The following SPTB variants were observed in gnomAD, a reference collection of about 807,000 sequenced individuals.
SPTB encodes spectrin beta, erythrocytic.
SPTB carries 45 observed loss-of-function variants against 256.2 expected under a neutral mutation model. The ratio of observed to expected loss-of-function variants is 0.18; its 90% confidence interval spans 0.14 to 0.23. The LOEUF (loss-of-function observed/expected upper bound fraction) is 0.23. SPTB is among the 10% of genes least tolerant of loss of function. The pLI is 1.00. For synonymous variants in SPTB, 1,231 were observed against 1,243.1 expected (o/e 0.99, Z 0.21); for missense variants, 2,715 against 3,040.4 (o/e 0.89, Z 2.52).
rs139457633 is a variant in SPTB, at chr14:64,770,905, G to A, written c.5778C>T (p.Ile1926=). 23 of 1,614,074 alleles carry A rather than the reference G, an allele frequency of 1.4e-5. No individual in the cohort carries two copies. Among genetic ancestry groups the A allele is most frequent in the Middle Eastern group, 1.6e-4 (1 of 6,062 alleles). The change falls in exon 27 of 36, where the codon ATC becomes ATT. Residue 1926 remains isoleucine (I), a synonymous_variant. Transcript: ENST00000644917. ...LSWMESIIRQ[I]ETQERPRDVS... ...CTCACCTGGGCCTCTCCTGGGTCTC[G>A]ATCTGCCGGATGATGCTCTCCATCC...
rs78589153 is a variant in SPTB, at chr14:64,792,028, T to C, written c.2667-172A>G. Among the ~76,000 whole-genome samples, 1,827 of 152,324 alleles carry C rather than the reference T, an allele frequency of 0.012. 44 individuals carry two copies. Among genetic ancestry groups the C allele is most frequent in the African/African-American group, 0.042 (1,739 of 41,556 alleles). On this transcript the variant is annotated intron_variant, in intron 14 of 35. Coordinates refer to ENST00000644917, the MANE Select transcript of SPTB (RefSeq NM_001355436.2). The surrounding 1 kb of genome is among the most constrained non-coding windows in gnomAD (Gnocchi z 4.2). ...AAACAGATATGCTGGCCCTCCTTTCTGGTTCATGGGTTTGATTTCATGAGT... is the reference window on the plus strand; with the variant it reads ...AAACAGATATGCTGGCCCTCCTTTCCGGTTCATGGGTTTGATTTCATGAGT...
At position 64,873,301 on chromosome 14, in the gene SPTB, C is replaced by T. The variant is rs1882647156; in HGVS notation, c.-52+6491G>A. On this transcript the variant is annotated intron_variant, in intron 1 of 35. Transcript: ENST00000644917. This position sits in a 1 kb window ranked among gnomAD's most constrained non-coding sequence, Gnocchi z 4.3. Reference sequence around the variant, plus strand: ...TTTTTGCCACATTCACTGTTACATTCCCTGGGCCTACAGCATGTCTGGCAA... The same window carrying T: ...TTTTTGCCACATTCACTGTTACATTTCCTGGGCCTACAGCATGTCTGGCAA... Among the ~76,000 whole-genome samples, 1 of 152,204 alleles carries T rather than the reference C, an allele frequency of 6.6e-6. No homozygotes were observed. The highest frequency in any genetic ancestry group is 2.1e-4 in the South Asian group (1 of 4,830).
rs934422185 is a variant in SPTB, at chr14:64,760,896, T to C, written c.6345+5830A>G. 1.2e-4 allele frequency among the ~76,000 whole-genome samples: 19 copies of C among 152,208 alleles called. No homozygotes were observed. Among genetic ancestry groups the C allele is most frequent in the African/African-American group, 4.6e-4 (19 of 41,454 alleles). On this transcript the variant is annotated intron_variant, in intron 32 of 35. Transcript: ENST00000644917. This position sits in a 1 kb window ranked among gnomAD's most constrained non-coding sequence, Gnocchi z 4.3. The stretch of plus-strand genomic sequence containing the variant: ...GTCTGTCTGGCACCAAACTCTGTGT[T>C]CTTACTAATTCTCCTGCAAGAGAGG...
rs1337964505 is a variant in SPTB, at chr14:64,825,908, C to T, written c.-51-2763G>A. The stretch of plus-strand genomic sequence containing the variant: ...TGTGGCCATGGCTCAGAGAAGGCAG[C>T]AGCCGGGCAGCAGCTCTGCCAGGAA... On this transcript the variant is annotated intron_variant, in intron 1 of 35. Transcript: ENST00000644917. This position sits in a 1 kb window ranked among gnomAD's most constrained non-coding sequence, Gnocchi z 4.8. Among the ~76,000 whole-genome samples, 1 of 152,246 alleles carries T rather than the reference C, an allele frequency of 6.6e-6. No individual in the cohort carries two copies. Among genetic ancestry groups the T allele is most frequent in the Non-Finnish European group, 1.5e-5 (1 of 68,044 alleles).
At position 64,802,009 on chromosome 14, in the gene SPTB, C is replaced by T. The variant is rs1337263002; in HGVS notation, c.567-175G>A. On this transcript the variant is annotated intron_variant, in intron 5 of 35. Coordinates refer to ENST00000644917, the MANE Select transcript of SPTB (RefSeq NM_001355436.2). The surrounding 1 kb of genome is among the most constrained non-coding windows in gnomAD (Gnocchi z 5.1). Reference sequence around the variant, plus strand: ...CAGAGGCTCCCCCATCAGATGTGAACACCACACAGACCCCCCAGTCTGCCT... The same window carrying T: ...CAGAGGCTCCCCCATCAGATGTGAATACCACACAGACCCCCCAGTCTGCCT... Among the ~76,000 whole-genome samples, 1 of 152,208 alleles carries T rather than the reference C, an allele frequency of 6.6e-6. No individual in the cohort carries two copies. Among genetic ancestry groups the T allele is most frequent in the Non-Finnish European group, 1.5e-5 (1 of 68,038 alleles).
rs2083345813 is a variant in SPTB, at chr14:64,824,407, G to A, written c.-51-1262C>T. On this transcript the variant is annotated intron_variant, in intron 1 of 35. Coordinates refer to ENST00000644917, the MANE Select transcript of SPTB (RefSeq NM_001355436.2). This position sits in a 1 kb window ranked among gnomAD's most constrained non-coding sequence, Gnocchi z 5.7. ...AGGGGTGGAGTCAGGGGAGAAAAGT[G>A]AGGAGGGGGCCAGGGGAGCCAGGCT... Among the ~76,000 whole-genome samples, 1 of 152,162 alleles carries A rather than the reference G, an allele frequency of 6.6e-6. No individual in the cohort carries two copies.
rs57385615 is a variant in SPTB at position 64,797,467 on chromosome 14, C to CAAAA, written c.1182+258_1182+261dup. Among the ~76,000 whole-genome samples the CAAAA allele has an allele frequency of 1.0e-2, 309 of 31,010 alleles. 73 individuals are homozygous for CAAAA. The highest frequency in any genetic ancestry group is 0.016 in the East Asian group (16 of 1,002). 20.3% of individuals were successfully genotyped at this position (31,010 alleles called of 152,430 possible). A position where few individuals can be genotyped will look rare whatever the true frequency, so the allele number is the denominator to read the frequency against. On this transcript the variant is annotated intron_variant, in intron 10 of 35. Coordinates refer to ENST00000644917, the MANE Select transcript of SPTB (RefSeq NM_001355436.2). ...GGGTGACAGAGTGAGACCCTGTCTC[C>CAAAA]AAAAAAAAAAAAAAAAAAAAAAAAA... is the stretch of plus-strand genomic sequence containing the variant.
At chr14:64,862,469 G>A (rs67357087) in intron 1 of SPTB, among the ~76,000 whole-genome samples, 105,763 of 151,814 alleles carry the variant, frequency 0.7, 37,846 homozygotes, top group South Asian at 0.83. Flanking sequence ...CCTGGGTAAC[G>A]CAGTGAGACC....
At chr14:64,848,658 A>G (rs1594840486) in intron 1 of SPTB, among the ~76,000 whole-genome samples, 1 of 152,216 alleles carries the variant, frequency 6.6e-6, no homozygotes, top group South Asian at 2.1e-4. Flanking sequence ...TCATTCACCC[A>G]CTAACACACA....
rs1357166979 is a variant in SPTB at position 64,793,306 on chromosome 14, T to C, written c.2357A>G (p.Lys786Arg). Reference sequence around the variant, plus strand: ...CTCCTCCAGCTCCTCCAGGAAGTCCTTGTGCTTTTTCCCCAGGGCCCGCGT... The same window carrying C: ...CTCCTCCAGCTCCTCCAGGAAGTCCCTGTGCTTTTTCCCCAGGGCCCGCGT... The part of the protein sequence containing the change: ...GATRALGKKH[K>R]DFLEELEESR... The change falls in exon 14 of 36, where the codon AAG (lysine) becomes AGG (arginine). Residue 786 changes from lysine to arginine, a missense_variant. Physicochemically the swap from Lys to Arg is conservative, Grantham distance 26. This residue lies in a region of SPTB where 2,239 missense variants were observed against 2,384.4 expected (regional missense o/e 0.94). Coordinates refer to ENST00000644917, the MANE Select transcript of SPTB (RefSeq NM_001355436.2). The surrounding 1 kb of genome is among the most constrained non-coding windows in gnomAD (Gnocchi z 7.0). 1.9e-6 allele frequency: 3 copies of C among 1,607,744 alleles called. No individual in the cohort carries two copies. The African/African-American group carries it at 4.0e-5, about 21-fold the overall frequency.
chr14:64,829,136 G>A (rs1223378861), intron 1 of SPTB, among the ~76,000 whole-genome samples: 4 of 152,098 alleles, frequency 2.6e-5, no homozygotes, highest in South Asian at 2.1e-4. Context: ...GACCTATGAC[G>A]TTCTTGCCAA....
chr14:64,793,178 G>A lies in SPTB; in HGVS notation c.2485C>T (p.Leu829Phe). Residue 829 changes from leucine (L) to phenylalanine (F), a missense_variant, in exon 14 of 36, where the codon CTC (leucine) becomes TTC (phenylalanine). By Grantham distance (22) the Leu-to-Phe change is conservative. This residue lies in a region of SPTB where 2,239 missense variants were observed against 2,384.4 expected (regional missense o/e 0.94). Coordinates refer to ENST00000644917, the MANE Select transcript of SPTB (RefSeq NM_001355436.2). The surrounding 1 kb of genome is among the most constrained non-coding windows in gnomAD (Gnocchi z 7.0). ...VTHRLQALRE[L>F]YQQVVAQADL... is the part of the protein sequence containing the mutation. ...GCCTGGGCCACCACCTGTTGGTAGA[G>A]CTCCCGCAGGGCCTGCAGCCGATGG... The A allele has an allele frequency of 6.2e-7, 1 of 1,613,708 alleles. No individual in the cohort carries two copies. The highest frequency in any genetic ancestry group is 8.5e-7 in the Non-Finnish European group (1 of 1,180,044).
chr14:64,823,878 T>C lies in SPTB; in HGVS notation c.-51-733A>G, dbSNP rs1251744903. On this transcript the variant is annotated intron_variant, in intron 1 of 35. Coordinates refer to ENST00000644917, the MANE Select transcript of SPTB (RefSeq NM_001355436.2). This position sits in a 1 kb window ranked among gnomAD's most constrained non-coding sequence, Gnocchi z 6.5. ...CAACCCAAAGGAGCCTGCTGTCCCA[T>C]CAAGCACGTGGCAGTCGGGGCATCC... Among the ~76,000 whole-genome samples the C allele has an allele frequency of 6.6e-6, 1 of 152,236 alleles. No individual in the cohort carries two copies.
At chr14:64,832,579 AC>A (rs1393452333) in intron 1 of SPTB, among the ~76,000 whole-genome samples, 8 of 152,136 alleles carry the variant, frequency 5.3e-5, no homozygotes, top group Admixed American at 5.2e-4. Context: ...AATCTTCTGA[AC>A]CCATCGTGTC....
chr14:64,759,865 A>C lies in SPTB; in HGVS notation c.6346-6072T>G, dbSNP rs1198176609. Among the ~76,000 whole-genome samples the C allele has an allele frequency of 1.3e-5, 2 of 152,244 alleles. No homozygotes were observed. The highest frequency in any genetic ancestry group is 4.8e-5 in the African/African-American group (2 of 41,464). On this transcript the variant is annotated intron_variant, in intron 32 of 35. Coordinates refer to ENST00000644917, the MANE Select transcript of SPTB (RefSeq NM_001355436.2). The surrounding 1 kb of genome is among the most constrained non-coding windows in gnomAD (Gnocchi z 4.8). Reference sequence around the variant, plus strand: ...CCAGTTGCGGGCAGCAAGGGAGTCTAGACCATAAATGGAGGTGAAGGAGAA... The same window carrying C: ...CCAGTTGCGGGCAGCAAGGGAGTCTCGACCATAAATGGAGGTGAAGGAGAA...
At chr14:64,794,903 C>T (rs975245895) in intron 12 of SPTB, among the ~76,000 whole-genome samples, 1 of 152,218 alleles carries the variant, frequency 6.6e-6, no homozygotes, top group Non-Finnish European at 1.5e-5. Context: ...TTTCACAAAG[C>T]TCCAGGGGCA....
intron 1 of SPTB, among the ~76,000 whole-genome samples, chr14:64,875,531 G>A (rs1295356933): frequency 6.6e-6 from 1 of 152,160 alleles, no homozygotes; most frequent in African/African-American, 2.4e-5. Flanking sequence ...TCCAAAACAG[G>A]TGACCTTCCC....
rs1379593333 is a variant in SPTB, at chr14:64,772,145, C to A, written c.5553+435G>T. ...CAGGGTCTGAGCCCTGGCTCCACTT[C>A]GTACCTACATGTTCCTGGGAAACTT... On this transcript the variant is annotated intron_variant, in intron 26 of 35. Coordinates refer to ENST00000644917, the MANE Select transcript of SPTB (RefSeq NM_001355436.2). This position sits in a 1 kb window ranked among gnomAD's most constrained non-coding sequence, Gnocchi z 5.4. Among the ~76,000 whole-genome samples the A allele has an allele frequency of 6.6e-6, 1 of 152,144 alleles. No homozygotes were observed. Among genetic ancestry groups the A allele is most frequent in the Non-Finnish European group, 1.5e-5 (1 of 68,026 alleles).
intron 32 of SPTB, among the ~76,000 whole-genome samples, chr14:64,765,043 C>CGTGTGTGTGTGTGTGTGTGTGT (rs1344054111): frequency 1.0e-4 from 9 of 89,794 alleles, no homozygotes; most frequent in Non-Finnish European, 1.6e-4. Context: ...TGTGTGTGTG[C>CGTGTGTGTGTGTGTGTGTGTGT]GCGCGCGCGC....
Sources: gnomAD v4.1 joint callset for allele counts (sites outside exome capture counted in the v4.1 genomes callset) on GRCh38, gnomAD v4.1.1 for gene constraint, gnomAD v4.1.1 regional missense constraint, Gnocchi (gnomAD v3.1) non-coding constraint, MANE v1.5 for transcripts, NCBI Gene and HGNC (gene_info 2026-07-23, HGNC 2026-07-21) for gene names.